CDKL5: variants seen among roughly 807,000 people sequenced by gnomAD.
CDKL5 encodes the protein cyclin dependent kinase like 5.
Under a neutral mutation model 61.7 loss-of-function variants are expected in CDKL5, and 8 were observed. That is an observed-to-expected ratio of 0.13 (90% CI 0.08 to 0.23). The LOEUF (loss-of-function observed/expected upper bound fraction) is 0.23. Among genes scored for constraint, CDKL5 ranks in the 10% least tolerant of loss-of-function variants. CDKL5 has a pLI of 1.00. For missense variants in CDKL5, 440 were observed against 734.5 expected (o/e 0.60, Z 4.63); for synonymous variants, 275 against 272.3 (o/e 1.01, Z -0.10).
chrX:18,502,729 A>G lies in CDKL5; in HGVS notation c.-162-4206A>G, dbSNP rs746661414. Among the ~76,000 whole-genome samples the G allele has an allele frequency of 2.7e-5, 3 of 112,116 alleles. No homozygotes were observed. The South Asian group carries it at 1.1e-3, about 42-fold the overall frequency. The stretch of plus-strand genomic sequence containing the variant: ...GTTCTATTGGTTATTTATCCGTGCC[A>G]GAACCACCCTGTCTTAATTTCCCTC... On this transcript the variant is annotated intron_variant, in intron 1 of 17. Transcript: ENST00000623535.
chrX:18,611,610 A>G (rs1042619172), intron 14 of CDKL5, among the ~76,000 whole-genome samples: 2 of 111,275 alleles, frequency 1.8e-5, no homozygotes, highest in Non-Finnish European at 3.8e-5. Context: ...AATATACATT[A>G]ATATAAAATG....
rs143798856 is a variant in CDKL5 at position 18,515,845 on chromosome X, G to A, written c.99+4991G>A. ...GAGGAGACTGAGTCTTAGAGGGTCTGTGTAATAGGGCCAAAATCATGTGGC... is the reference window on the plus strand; with the variant it reads ...GAGGAGACTGAGTCTTAGAGGGTCTATGTAATAGGGCCAAAATCATGTGGC... On this transcript the variant is annotated intron_variant, in intron 3 of 17. Coordinates refer to ENST00000623535, the MANE Select transcript of CDKL5 (RefSeq NM_001323289.2). Among the ~76,000 whole-genome samples the A allele has an allele frequency of 4.3e-3, 484 of 111,458 alleles. 2 individuals are homozygous for A. Among genetic ancestry groups the A allele is most frequent in the Middle Eastern group, 0.041 (9 of 217 alleles).
intron 1 of CDKL5, among the ~76,000 whole-genome samples, chrX:18,468,147 A>G (rs971359948): frequency 8.9e-6 from 1 of 111,750 alleles, no homozygotes; most frequent in African/African-American, 3.2e-5. Context: ...TTCAGTATGT[A>G]GTTTTCCAAT....
intron 3 of CDKL5, among the ~76,000 whole-genome samples, chrX:18,533,539 G>A (rs902782704): frequency 2.7e-5 from 3 of 111,886 alleles, no homozygotes; most frequent in Non-Finnish European, 5.6e-5. Context: ...TAGCTTCCAT[G>A]TGCTAACAAT....
intron 3 of CDKL5, among the ~76,000 whole-genome samples, chrX:18,542,203 G>A (rs974613594): frequency 9.0e-6 from 1 of 111,429 alleles, no homozygotes. Flanking sequence ...GCTCCTTGCT[G>A]CTGCTTTGTT....
intron 1 of CDKL5, among the ~76,000 whole-genome samples, chrX:18,497,142 G>A (rs1317689219): frequency 9.1e-6 from 1 of 110,237 alleles, no homozygotes; most frequent in Admixed American, 9.7e-5. Flanking sequence ...GCAGACATAC[G>A]CCACCACCCC....
At chrX:18,445,556 A>G (rs919375240) in intron 1 of CDKL5, among the ~76,000 whole-genome samples, 1 of 111,588 alleles carries the variant, frequency 9.0e-6, no homozygotes, top group Non-Finnish European at 1.9e-5. Context: ...TCTCCACCCA[A>G]ATCTGATCTC....
At chrX:18,614,163 T>C (rs945057480) in intron 15 of CDKL5, among the ~76,000 whole-genome samples, 1 of 112,072 alleles carries the variant, frequency 8.9e-6, no homozygotes, top group Non-Finnish European at 1.9e-5. Context: ...AAGGGCCTTA[T>C]GTCAGTACTC....
rs1157059419 is a variant in CDKL5 at position 18,575,338 on chromosome X, A to G, written c.146-16A>G. On this transcript the variant is annotated splice_polypyrimidine_tract_variant and intron_variant, in intron 4 of 17. Transcript: ENST00000623535. Reference sequence around the variant, plus strand: ...AAGTTTTCATTTTAGTCTCTTCACCATTGTTTACATTCTAGAAAATGAAGA... The same window carrying G: ...AAGTTTTCATTTTAGTCTCTTCACCGTTGTTTACATTCTAGAAAATGAAGA... The G allele has an allele frequency of 3.3e-6, 4 of 1,197,717 alleles. No homozygotes were observed. In the African/African-American group the frequency reaches 5.3e-5, roughly 16 times the overall value.
chrX:18,648,060 G>C (rs1452361782), intron 20 of CDKL5, among the ~76,000 whole-genome samples: 1 of 110,793 alleles, frequency 9.0e-6, no homozygotes, highest in Non-Finnish European at 1.9e-5. Context: ...GTTGAGGCTG[G>C]GCACGGTGAC....
At chrX:18,467,572 G>C (rs1021049871) in intron 1 of CDKL5, among the ~76,000 whole-genome samples, 1 of 111,729 alleles carries the variant, frequency 9.0e-6, no homozygotes, top group Non-Finnish European at 1.9e-5. Flanking sequence ...TTGATGAGTT[G>C]CAGCTGAGGG....
intron 4 of CDKL5, among the ~76,000 whole-genome samples, chrX:18,565,240 A>G (rs1924929033): frequency 8.9e-6 from 1 of 112,170 alleles, no homozygotes; most frequent in South Asian, 3.7e-4. Context: ...GGTGCTCTAG[A>G]CAACATTTTT....
chrX:18,653,342 C>A, intron 21 of CDKL5: 1 of 1,168,357 alleles, frequency 8.6e-7, no homozygotes, highest in Non-Finnish European at 1.1e-6. Flanking sequence ...TGGCCTTCTG[C>A]TCCGTGGGGG....
At chrX:18,475,723 A>G (rs1442826107) in intron 1 of CDKL5, among the ~76,000 whole-genome samples, 6 of 112,679 alleles carry the variant, frequency 5.3e-5, no homozygotes. Flanking sequence ...AATACTTAGT[A>G]TTAATACAGT....
chrX:18,478,927 G>T (rs1921436127), intron 1 of CDKL5, among the ~76,000 whole-genome samples: 1 of 110,608 alleles, frequency 9.0e-6, no homozygotes, highest in African/African-American at 3.3e-5. Flanking sequence ...TGTTGGCCAG[G>T]CTGGTCTTGA....
At chrX:18,642,524 G>C (rs1312088704), downstream of CDKL5, among the ~76,000 whole-genome samples, 2 of 112,228 alleles carry the variant, frequency 1.8e-5, no homozygotes, top group Non-Finnish European at 3.8e-5. Flanking sequence ...GGTGCTGCTA[G>C]AAAATGCCAC....
chrX:18,556,725 A>G (rs942127355), intron 3 of CDKL5, among the ~76,000 whole-genome samples: 3 of 110,463 alleles, frequency 2.7e-5, no homozygotes, highest in African/African-American at 6.6e-5. Flanking sequence ...TCTACTAAAA[A>G]TACAGAAATT....
chrX:18,575,341 G>A lies in CDKL5; in HGVS notation c.146-13G>A. The A allele has an allele frequency of 1.7e-6, 2 of 1,199,609 alleles. No homozygotes were observed. The highest frequency in any genetic ancestry group is 3.5e-5 in the South Asian group (2 of 56,683). ...TTTTCATTTTAGTCTCTTCACCATT[G>A]TTTACATTCTAGAAAATGAAGAAGT... On this transcript the variant is annotated splice_polypyrimidine_tract_variant and intron_variant, in intron 4 of 17. Transcript: ENST00000623535.
chrX:18,445,119 C>T (rs1351530782), intron 1 of CDKL5, among the ~76,000 whole-genome samples: 3 of 103,835 alleles, frequency 2.9e-5, no homozygotes, highest in Admixed American at 2.1e-4. Flanking sequence ...GCTCTGTTGC[C>T]TAGGCTGGAG....
Sources: gnomAD v4.1 joint callset for allele counts (sites outside exome capture counted in the v4.1 genomes callset) on GRCh38, gnomAD v4.1.1 for gene constraint, MANE v1.5 for transcripts, NCBI Gene and HGNC (gene_info 2026-07-23, HGNC 2026-07-21) for gene names.